Variants in DOCK9 observed in about 807,000 individuals in gnomAD.
DOCK9 encodes dedicator of cytokinesis 9, also known as dedicator of cytokinesis protein 9.
Under a neutral mutation model 263.3 loss-of-function variants are expected in DOCK9, and 89 were observed. The ratio of observed to expected loss-of-function variants is 0.34; its 90% confidence interval spans 0.28 to 0.40. The LOEUF (loss-of-function observed/expected upper bound fraction) is 0.40, where lower values mean the gene tolerates loss of function less well. DOCK9 is among the 10% of genes least tolerant of loss of function. The pLI, the probability that DOCK9 is intolerant of heterozygous loss-of-function variation, is 1.00. For synonymous variants in DOCK9, 976 were observed against 973.1 expected (o/e 1.00, Z -0.06); for missense variants, 2,140 against 2,603.4 (o/e 0.82, Z 3.87).
At chr13:98,841,814 T>C in intron 38 of DOCK9, among the ~76,000 whole-genome samples, 1 of 151,182 alleles carries the variant, frequency 6.6e-6, no homozygotes, top group Admixed American at 6.6e-5. Context: ...ATTATTATTA[T>C]TTGTTTTTAG....
intron 1 of DOCK9, among the ~76,000 whole-genome samples, chr13:98,992,900 C>T (rs1330759360): frequency 6.6e-6 from 1 of 152,116 alleles, no homozygotes; most frequent in Non-Finnish European, 1.5e-5. Flanking sequence ...CGTTCTGAAG[C>T]AGTGAAGAGA....
At chr13:99,053,142 C>G (rs980273671) in intron 1 of DOCK9, among the ~76,000 whole-genome samples, 9 of 152,298 alleles carry the variant, frequency 5.9e-5, no homozygotes, top group Admixed American at 3.3e-4. Context: ...CTCCTGCGCC[C>G]TCTCCCAGCT....
chr13:99,055,580 G>C (rs1013941058), intron 1 of DOCK9, among the ~76,000 whole-genome samples: 2 of 152,182 alleles, frequency 1.3e-5, no homozygotes, highest in Non-Finnish European at 2.9e-5. Flanking sequence ...AGCAGGAAGA[G>C]AGGCATATGG....
At chr13:98,883,338 C>T (rs1429022875) in intron 22 of DOCK9, among the ~76,000 whole-genome samples, 1 of 152,058 alleles carries the variant, frequency 6.6e-6, no homozygotes, top group Non-Finnish European at 1.5e-5. Flanking sequence ...GCCTTGACCT[C>T]CCAGCCTCTT....
chr13:98,921,529 C>G (rs1404982423), intron 6 of DOCK9, among the ~76,000 whole-genome samples: 1 of 152,190 alleles, frequency 6.6e-6, no homozygotes, highest in African/African-American at 2.4e-5. Context: ...CTCCCTGACT[C>G]CCTTGTTTCT....
At chr13:99,040,808 C>A (rs891556771) in intron 1 of DOCK9, among the ~76,000 whole-genome samples, 1 of 152,176 alleles carries the variant, frequency 6.6e-6, no homozygotes, top group South Asian at 2.1e-4. Flanking sequence ...CCTGCTCCAT[C>A]CAGGACCCCC....
chr13:98,908,938 TATC>T (rs1474740544), intron 9 of DOCK9, among the ~76,000 whole-genome samples: 2 of 152,198 alleles, frequency 1.3e-5, no homozygotes, highest in East Asian at 1.9e-4. Context: ...CTATAACAAA[TATC>T]ATCCCAAAGT....
At chr13:98,808,295 T>A (rs1316245137) in intron 47 of DOCK9, among the ~76,000 whole-genome samples, 1 of 152,198 alleles carries the variant, frequency 6.6e-6, no homozygotes, top group Non-Finnish European at 1.5e-5. Context: ...AATTGTATTT[T>A]GCTTTACCGA....
At chr13:98,909,748 G>A (rs902171359) in intron 9 of DOCK9, among the ~76,000 whole-genome samples, 1 of 152,170 alleles carries the variant, frequency 6.6e-6, no homozygotes, top group Admixed American at 6.5e-5. Context: ...ATCTAGGGAA[G>A]AAAGCACTTA....
upstream of DOCK9, chr13:99,088,360 C>A (rs543089036): frequency 1.3e-5 from 2 of 152,260 alleles, no homozygotes; most frequent in African/African-American, 4.8e-5. Context: ...CCCCGGGGAA[C>A]GCACTCTGTT....
chr13:98,809,142 TAAAGA>T (rs1326077345), intron 47 of DOCK9: 8 of 1,541,662 alleles, frequency 5.2e-6, no homozygotes, highest in South Asian at 2.4e-5. Flanking sequence ...AAGAAAGTAA[TAAAGA>T]AAAGACAGGA....
intron 9 of DOCK9, among the ~76,000 whole-genome samples, chr13:98,912,821 A>G (rs1352393753): frequency 6.6e-6 from 1 of 152,212 alleles, no homozygotes; most frequent in African/African-American, 2.4e-5. Flanking sequence ...GCAGAAGGTT[A>G]CTTTCTGAAT....
intron 7 of DOCK9, among the ~76,000 whole-genome samples, chr13:98,915,774 T>G (rs1396042714): frequency 6.6e-6 from 1 of 152,174 alleles, no homozygotes. Flanking sequence ...TGCAGTGGAA[T>G]GAAACCTCCT....
chr13:98,848,527 C>T, intron 37 of DOCK9, 65 bp downstream of exon 37: 2 of 1,542,390 alleles, frequency 1.3e-6, no homozygotes, highest in Non-Finnish European at 1.8e-6. Flanking sequence ...GATGACCAAT[C>T]CCACACAATC....
intron 1 of DOCK9, among the ~76,000 whole-genome samples, chr13:98,956,431 C>T (rs1047753195): frequency 5.9e-5 from 9 of 152,044 alleles, no homozygotes; most frequent in Admixed American, 3.3e-4. Context: ...CTAAAATAGG[C>T]ATATAGAAGA....
intron 35 of DOCK9, among the ~76,000 whole-genome samples, chr13:98,852,156 T>C (rs1566718767): frequency 6.6e-6 from 1 of 152,344 alleles, no homozygotes; most frequent in Non-Finnish European, 1.5e-5. Context: ...AGAATTATAA[T>C]GCTCGCTGAA....
intron 32 of DOCK9, among the ~76,000 whole-genome samples, chr13:98,861,574 T>C (rs1437715902): frequency 6.6e-6 from 1 of 152,196 alleles, no homozygotes; most frequent in Non-Finnish European, 1.5e-5. Flanking sequence ...TTAGAAATTA[T>C]TATAGGTTAA....
Position 98,902,368 on chromosome 13 carries a change from C to T in DOCK9, c.1300G>A (p.Ala434Thr). The T allele has an allele frequency of 5.0e-6, 8 of 1,614,000 alleles. No individual in the cohort carries two copies. Among genetic ancestry groups the T allele is most frequent in the Non-Finnish European group, 6.8e-6 (8 of 1,179,892 alleles). ...CTCTGCCCACTGCCATTCATCAGCG[C>T]CGGGGACGTGGTGGCGAGCATTTGC... is the stretch of plus-strand genomic sequence containing the variant. The part of the protein sequence containing the change: ...VRQMLATTSP[A>T]LMNGSGQSPS... The change falls in exon 12 of 53, where the codon GCG becomes ACG. Residue 434 changes from alanine to threonine, a missense_variant. By Grantham distance (58) the Ala-to-Thr change is moderately conservative. Coordinates refer to ENST00000682017, the MANE Select transcript of DOCK9 (RefSeq NM_001366683.2).
intron 1 of DOCK9, among the ~76,000 whole-genome samples, chr13:98,957,729 T>C (rs1347996383): frequency 2.0e-5 from 3 of 152,202 alleles, no homozygotes; most frequent in African/African-American, 7.2e-5. Context: ...ATGTCGTGAT[T>C]AATAACATTT....
Sources: allele counts gnomAD v4.1 joint callset (sites outside exome capture counted in the v4.1 genomes callset), GRCh38; gene constraint gnomAD v4.1.1; transcripts MANE v1.5; gene names NCBI Gene and HGNC (gene_info 2026-07-23, HGNC 2026-07-21).